The following SPICE1 variants were observed in gnomAD, a reference collection of about 807,000 sequenced individuals.
SPICE1 encodes spindle and centriole-associated protein 1.
Under a neutral mutation model 102.7 loss-of-function variants are expected in SPICE1, and 75 were observed. That is an observed-to-expected ratio of 0.73 (90% confidence interval 0.61 to 0.88). The LOEUF is 0.88. Among genes scored for constraint, SPICE1 ranks in the 40% least tolerant of loss-of-function variants. The pLI, the probability that SPICE1 is intolerant of heterozygous loss-of-function variation, is 0.00. For synonymous variants in SPICE1, 308 were observed against 350.3 expected, an observed-to-expected ratio of 0.88 and a Z score of 1.35; for missense variants, 979 against 1,020.1, an observed-to-expected ratio of 0.96 and a Z score of 0.55.
chr3:113,451,330 C>G (rs78392480), intron 14 of SPICE1, among the ~76,000 whole-genome samples: 11 of 152,036 alleles, frequency 7.2e-5, no homozygotes, highest in Non-Finnish European at 1.6e-4. Context: ...ATTCCCCCCC[C>G]AAATGTGCTT....
At chr3:113,467,615 T>A (rs1936091289) in intron 10 of SPICE1, among the ~76,000 whole-genome samples, 1 of 152,214 alleles carries the variant, frequency 6.6e-6, no homozygotes, top group Non-Finnish European at 1.5e-5. Flanking sequence ...AAAGAATTCT[T>A]GCTTATTTTA....
chr3:113,454,167 G>C (rs1434233884), intron 13 of SPICE1, among the ~76,000 whole-genome samples: 1 of 152,110 alleles, frequency 6.6e-6, no homozygotes, highest in Non-Finnish European at 1.5e-5. Context: ...GCATTTGTTA[G>C]TACCCTTGTG....
At chr3:113,449,848 G>A (rs1935604760) in intron 15 of SPICE1, 1 of 156,558 alleles carries the variant, frequency 6.4e-6, no homozygotes, top group Admixed American at 6.2e-5. Flanking sequence ...CTTTTTGAAT[G>A]TGAATACTAT....
intron 4 of SPICE1, among the ~76,000 whole-genome samples, chr3:113,496,046 T>TA (rs1186289523): frequency 2.9e-5 from 4 of 136,884 alleles, no homozygotes; most frequent in Non-Finnish European, 5.9e-5. Flanking sequence ...ATTATGAGAT[T>TA]TTTTTTTTAC....
At chr3:113,475,635 C>CA (rs1302400309) in intron 7 of SPICE1, among the ~76,000 whole-genome samples, 3 of 152,068 alleles carry the variant, frequency 2.0e-5, no homozygotes, top group African/African-American at 7.2e-5. Context: ...TCAATATACG[C>CA]AAATCAATAA....
rs981604055 is a variant in SPICE1 at position 113,453,630 on chromosome 3, C to T, written c.1978G>A (p.Glu660Lys). 3.1e-6 allele frequency: 5 copies of T among 1,614,076 alleles called. No homozygotes were observed. Among genetic ancestry groups the T allele is most frequent in the Non-Finnish European group, 4.2e-6 (5 of 1,180,018 alleles). The change falls in exon 14 of 18, where the codon GAG (glutamate) becomes AAG (lysine). Residue 660 changes from glutamate to lysine, a missense_variant. By Grantham distance (56) the Glu-to-Lys change is moderately conservative. Coordinates refer to ENST00000295872, the MANE Select transcript of SPICE1 (RefSeq NM_144718.4). ...ATGTCCTTTCTTTGTATTAATGACT[C>T]ATTTGTTCTCAGCTGCTGCCCATCT... ...LGDGQQLRTNESLIQRKDIMT... is the reference protein window; with the variant it reads ...LGDGQQLRTNKSLIQRKDIMT...
chr3:113,457,937 T>G (rs1364731405), intron 12 of SPICE1, among the ~76,000 whole-genome samples: 1 of 152,208 alleles, frequency 6.6e-6, no homozygotes, highest in Non-Finnish European at 1.5e-5. Flanking sequence ...ACAAAATGGC[T>G]AAAATGGGTC....
intron 1 of SPICE1, among the ~76,000 whole-genome samples, chr3:113,512,503 G>T (rs1409191088): frequency 2.0e-5 from 3 of 150,138 alleles, no homozygotes; most frequent in Non-Finnish European, 4.4e-5. Context: ...CCACCTCCCG[G>T]GTTCAAGCGA....
In SPICE1 at chr3:113,468,351, A is replaced by G. The variant is rs748586254; in HGVS notation, c.943T>C (p.Ser315Pro). The change falls in exon 10 of 18, where the codon TCA becomes CCA. Residue 315 changes from serine to proline, a missense_variant. Ser to Pro is a moderately conservative substitution (Grantham distance 74). Transcript: ENST00000295872. ...ALSKPKKNISSGSTTSADLPN... is the reference protein window; with the variant it reads ...ALSKPKKNISPGSTTSADLPN... Reference sequence around the variant, plus strand: ...AAGTCTGCAGAGGTTGTGCTACCTGATGATATGTTTTTCTTCGGCTTGGAA... The same window carrying G: ...AAGTCTGCAGAGGTTGTGCTACCTGGTGATATGTTTTTCTTCGGCTTGGAA... 6.2e-7 allele frequency: 1 copy of G among 1,614,156 alleles called. No individual in the cohort carries two copies. The highest frequency in any genetic ancestry group is 8.5e-7 in the Non-Finnish European group (1 of 1,180,030).
intron 7 of SPICE1, among the ~76,000 whole-genome samples, chr3:113,474,501 CAT>C (rs1295285722): frequency 1.3e-5 from 2 of 152,316 alleles, no homozygotes; most frequent in East Asian, 3.9e-4. Flanking sequence ...TTCAGCACCA[CAT>C]GACACCTATT....
At chr3:113,480,452 T>C (rs891175635) in intron 7 of SPICE1, among the ~76,000 whole-genome samples, 1 of 152,026 alleles carries the variant, frequency 6.6e-6, no homozygotes, top group African/African-American at 2.4e-5. Context: ...AACACAAGAA[T>C]ACTAAATAAA....
chr3:113,492,695 G>A (rs992514775), intron 6 of SPICE1, among the ~76,000 whole-genome samples: 5 of 151,984 alleles, frequency 3.3e-5, no homozygotes, highest in Non-Finnish European at 7.4e-5. Context: ...ATGATATCAG[G>A]TACATTCTAG....
At chr3:113,453,040 G>C (rs780241276) in intron 14 of SPICE1, among the ~76,000 whole-genome samples, 1 of 152,044 alleles carries the variant, frequency 6.6e-6, no homozygotes, top group Non-Finnish European at 1.5e-5. Context: ...CATTTCTATA[G>C]GAAAATCCAT....
intron 7 of SPICE1, among the ~76,000 whole-genome samples, chr3:113,471,937 C>T (rs955431751): frequency 1.3e-5 from 2 of 152,114 alleles, no homozygotes; most frequent in South Asian, 2.1e-4. Flanking sequence ...AGACGGTGAG[C>T]GCAGGACAGT....
At chr3:113,502,655 T>C (rs1475328235) in intron 3 of SPICE1, among the ~76,000 whole-genome samples, 1 of 36,566 alleles carries the variant, frequency 2.7e-5, no homozygotes, top group East Asian at 7.3e-4. Context: ...TATATCTCAA[T>C]AAATCTTAAA....
At chr3:113,509,116 G>C (rs1335828294) in intron 1 of SPICE1, among the ~76,000 whole-genome samples, 1 of 152,188 alleles carries the variant, frequency 6.6e-6, no homozygotes, top group Non-Finnish European at 1.5e-5. Context: ...AATGGGTATA[G>C]TGTTTCTTTG....
chr3:113,504,942 G>A (rs1009398259), intron 2 of SPICE1, among the ~76,000 whole-genome samples: 1 of 152,126 alleles, frequency 6.6e-6, no homozygotes. Flanking sequence ...TTCCAGCACT[G>A]CAGATAAAAT....
chr3:113,460,617 C>G lies in SPICE1; in HGVS notation c.1435G>C (p.Glu479Gln), dbSNP rs760510998. The change falls in exon 12 of 18, where the codon GAG becomes CAG. Residue 479 changes from glutamate (E) to glutamine (Q), a missense_variant and splice_region_variant. Physicochemically the swap from Glu to Gln is conservative, Grantham distance 29 (BLOSUM62 2). Transcript: ENST00000295872. ...ATGRRVMDSP[E>Q]RPVVNANVSV... ...TCTGAGAGAGTAAGACCACACTCAC[C>G]TGGACTGTCCATAACTCTTCTACCT... 32 of 1,608,402 alleles carry G rather than the reference C, an allele frequency of 2.0e-5. No homozygotes were observed. The East Asian group carries it at 6.7e-4, about 34-fold the overall frequency.
chr3:113,467,069 A>G (rs1168428742), intron 10 of SPICE1, among the ~76,000 whole-genome samples: 2 of 152,152 alleles, frequency 1.3e-5, no homozygotes, highest in Admixed American at 6.5e-5. Flanking sequence ...AAGCAATTCA[A>G]TTTTAGGAAG....
Sources: allele counts gnomAD v4.1 joint callset (sites outside exome capture counted in the v4.1 genomes callset), GRCh38; gene constraint gnomAD v4.1.1; transcripts MANE v1.5; gene names NCBI Gene and HGNC (gene_info 2026-07-23, HGNC 2026-07-21).